The following FNBP4 variants were observed in gnomAD, a reference collection of about 807,000 sequenced individuals.
FNBP4 encodes formin-binding protein 4.
Under a neutral mutation model 119.3 loss-of-function variants are expected in FNBP4, and 34 were observed. The ratio of observed to expected loss-of-function variants is 0.28; its 90% confidence interval spans 0.22 to 0.38. The LOEUF (loss-of-function observed/expected upper bound fraction) is 0.38. Ranked by LOEUF, FNBP4 falls within the 10% of genes least tolerant of loss-of-function variation. The pLI, the probability that FNBP4 is intolerant of heterozygous loss-of-function variation, is 1.00. For synonymous variants in FNBP4, 462 were observed against 430.6 expected, an observed-to-expected ratio of 1.07 and a Z score of -0.90; for missense variants, 1,112 against 1,228.9, an observed-to-expected ratio of 0.90 and a Z score of 1.42.
chr11:47,732,536 C>T lies in FNBP4; in HGVS notation c.1820+1G>A. On this transcript the variant is annotated splice_donor_variant, in intron 11 of 16. Transcript: ENST00000263773. LOFTEE classifies it high-confidence loss of function. This position sits in a 1 kb window ranked among gnomAD's most constrained non-coding sequence, Gnocchi z 4.2. ...GGTGAAAAGGGGAGAAGAGTGCGTA[C>T]CTGTCCCAGTGGCAGGACCAGCCTT... 1 of 1,614,112 alleles carries T rather than the reference C, an allele frequency of 6.2e-7. No individual in the cohort carries two copies. The highest frequency in any genetic ancestry group is 8.5e-7 in the Non-Finnish European group (1 of 1,180,018).
At chr11:47,747,712 G>C (rs978216155) in intron 6 of FNBP4, among the ~76,000 whole-genome samples, 1 of 152,146 alleles carries the variant, frequency 6.6e-6, no homozygotes, top group African/African-American at 2.4e-5. Context: ...CACTTTGGGA[G>C]GCCAAGGCAG....
At chr11:47,739,699 A>G (rs2135155788) in intron 8 of FNBP4, among the ~76,000 whole-genome samples, 1 of 152,324 alleles carries the variant, frequency 6.6e-6, no homozygotes. Flanking sequence ...GCGAGGCAGG[A>G]GCATCAATTG....
At chr11:47,750,853 T>C in intron 6 of FNBP4, 63 bp downstream of exon 6, 2 of 1,554,524 alleles carry the variant, frequency 1.3e-6, no homozygotes, top group Non-Finnish European at 1.8e-6. Context: ...CTTCCACTCC[T>C]GTGCTCAGAG....
At chr11:47,750,181 C>G (rs886346402) in intron 6 of FNBP4, among the ~76,000 whole-genome samples, 1 of 151,700 alleles carries the variant, frequency 6.6e-6, no homozygotes, top group East Asian at 1.9e-4. Context: ...GAGTTTGAGA[C>G]CAGCCTGACC....
At chr11:47,748,736 GC>G (rs1366730981) in intron 6 of FNBP4, among the ~76,000 whole-genome samples, 7 of 151,746 alleles carry the variant, frequency 4.6e-5, no homozygotes, top group Non-Finnish European at 8.8e-5. Context: ...TGCAACCTCT[GC>G]CTCCCAGATT....
At chr11:47,742,300 G>A (rs939633964) in intron 8 of FNBP4, among the ~76,000 whole-genome samples, 1 of 151,632 alleles carries the variant, frequency 6.6e-6, no homozygotes, top group Non-Finnish European at 1.5e-5. Flanking sequence ...CCAACATGGT[G>A]AAATCCCATT....
At chr11:47,723,963 G>C in intron 14 of FNBP4, 65 bp downstream of exon 14, 1 of 1,426,860 alleles carries the variant, frequency 7.0e-7, no homozygotes, top group Middle Eastern at 1.9e-4. Flanking sequence ...AGTTTTTATG[G>C]CATCTAATGC....
chr11:47,758,375 AT>A (rs915610882), intron 2 of FNBP4, among the ~76,000 whole-genome samples: 7 of 152,196 alleles, frequency 4.6e-5, no homozygotes, highest in African/African-American at 1.2e-4. Context: ...CACACTTGGC[AT>A]TTTTTAAGCA....
At chr11:47,747,427 C>T (rs1397558398) in intron 6 of FNBP4, among the ~76,000 whole-genome samples, 4 of 151,396 alleles carry the variant, frequency 2.6e-5, no homozygotes, top group Admixed American at 2.0e-4. Flanking sequence ...AGGCTGGTCT[C>T]GAACTCCTGA....
chr11:47,765,567 C>CGGG lies in FNBP4; in HGVS notation c.221-208_221-206dup, dbSNP rs34848619. On this transcript the variant is annotated intron_variant, in intron 1 of 16. Transcript: ENST00000263773. ...ATCCCAGCACTTTGGGAGGCCAAGA[C>CGGG]GGGGGGGGGGGGGGGCCACTTGAGG... 4.9e-4 allele frequency among the ~76,000 whole-genome samples: 18 copies of CGGG among 36,374 alleles called. 1 individual carries two copies. The highest frequency in any genetic ancestry group is 1.1e-3 in the South Asian group (1 of 920). The allele number at this position is 36,374 out of a possible 152,430, so 23.9% of individuals were successfully genotyped here.
At chr11:47,722,186 A>C (rs975563871) in intron 15 of FNBP4, among the ~76,000 whole-genome samples, 2 of 150,162 alleles carry the variant, frequency 1.3e-5, no homozygotes, top group Non-Finnish European at 3.0e-5. Flanking sequence ...CTAAATCCTA[A>C]GCCCCTAGGG....
chr11:47,720,504 C>G (rs1426379125), intron 15 of FNBP4, among the ~76,000 whole-genome samples: 2 of 150,892 alleles, frequency 1.3e-5, no homozygotes, highest in Non-Finnish European at 1.5e-5. Context: ...GGAGGCGGAT[C>G]TTGCAGTGAG....
intron 15 of FNBP4, among the ~76,000 whole-genome samples, chr11:47,721,088 G>A (rs934503624): frequency 6.6e-6 from 1 of 151,358 alleles, no homozygotes; most frequent in Non-Finnish European, 1.5e-5. Flanking sequence ...TTGGGAGGCC[G>A]AGGCGGGAGG....
intron 6 of FNBP4, among the ~76,000 whole-genome samples, chr11:47,747,035 T>C (rs981792672): frequency 5.9e-5 from 9 of 152,014 alleles, no homozygotes; most frequent in African/African-American, 1.9e-4. Flanking sequence ...TTCTTCTGTA[T>C]GATGAGAAAT....
At chr11:47,719,685 C>G (rs1207248086) in intron 16 of FNBP4, among the ~76,000 whole-genome samples, 1 of 150,314 alleles carries the variant, frequency 6.7e-6, no homozygotes, top group Non-Finnish European at 1.5e-5. Context: ...TGCCTAAGAC[C>G]AACAATCAAC....
chr11:47,720,821 T>A (rs376132543), intron 15 of FNBP4, among the ~76,000 whole-genome samples: 2 of 148,710 alleles, frequency 1.3e-5, no homozygotes, highest in African/African-American at 4.9e-5. Context: ...CAAAGCAAAC[T>A]GCCATATTAG....
chr11:47,740,682 C>T (rs2097580709), intron 8 of FNBP4, among the ~76,000 whole-genome samples: 1 of 151,592 alleles, frequency 6.6e-6, no homozygotes, highest in Non-Finnish European at 1.5e-5. Context: ...CAACTTCCGC[C>T]TCCTGGGTTC....
intron 10 of FNBP4, among the ~76,000 whole-genome samples, chr11:47,733,349 T>TA (rs919080670): frequency 6.6e-6 from 1 of 151,968 alleles, no homozygotes; most frequent in African/African-American, 2.4e-5. Flanking sequence ...TTTTTTTTTT[T>TA]AGAGACGGAC....
At position 47,767,096 on chromosome 11, in the gene FNBP4, C is replaced by T. The variant is rs1476426696; in HGVS notation, c.193G>A (p.Ala65Thr). The T allele has an allele frequency of 6.5e-7, 1 of 1,529,824 alleles. No homozygotes were observed. The highest frequency in any genetic ancestry group is 2.0e-5 in the Admixed American group (1 of 50,632). The allele number at this position is 1,529,824 out of a possible 1,614,324, so 94.8% of individuals were successfully genotyped here. Residue 65 changes from alanine (A) to threonine (T), a missense_variant, in exon 1 of 17, where the codon GCG becomes ACG. Coordinates refer to ENST00000263773, the MANE Select transcript of FNBP4 (RefSeq NM_015308.5). The stretch of plus-strand genomic sequence containing the variant: ...TCTGAAGGCGAGTCGTCCGAGGCCG[C>T]GGCGGCAGTCACCGCGGTGGTGGTG... The part of the protein sequence containing the change: ...TTTTTAVTAA[A>T]ASDDSPSEDE...
Sources: allele counts gnomAD v4.1 joint callset (sites outside exome capture counted in the v4.1 genomes callset), GRCh38; gene constraint gnomAD v4.1.1; non-coding constraint Gnocchi (gnomAD v3.1); transcripts MANE v1.5; gene names NCBI Gene and HGNC (gene_info 2026-07-23, HGNC 2026-07-21).